DOCK4: variants seen among roughly 807,000 people sequenced by gnomAD.
DOCK4 encodes the protein dedicator of cytokinesis protein 4.
In DOCK4, 97 loss-of-function variants were observed where a neutral mutation model predicts 268.1. The observed-to-expected ratio is 0.36, with a 90% CI of 0.31 to 0.43. The LOEUF (loss-of-function observed/expected upper bound fraction) is 0.43. Among genes scored for constraint, DOCK4 ranks in the 20% least tolerant of loss-of-function variants. The pLI is 1.00. For missense variants in DOCK4, 2,145 were observed against 2,455.7 expected, an observed-to-expected ratio of 0.87 and a Z score of 2.67; for synonymous variants, 954 against 887.2, an observed-to-expected ratio of 1.08 and a Z score of -1.34.
intron 1 of DOCK4, among the ~76,000 whole-genome samples, chr7:112,013,959 C>T (rs1376439448): frequency 1.3e-5 from 2 of 152,170 alleles, no homozygotes; most frequent in Non-Finnish European, 2.9e-5. Flanking sequence ...ATACCCGGCA[C>T]AATGCATGAC....
At chr7:112,067,474 A>C (rs1042001755) in intron 1 of DOCK4, among the ~76,000 whole-genome samples, 1 of 152,158 alleles carries the variant, frequency 6.6e-6, no homozygotes, top group Non-Finnish European at 1.5e-5. Context: ...AGAAGGTACG[A>C]CTTCAGCTAA....
rs78254889 is a variant in DOCK4, at chr7:111,790,269, A to T, written c.3315+188T>A. ...CAAATGGTTTTCAGGGCTTCACTGAAGGCTCAGGACAACACAGGATCTGAG... is the reference window on the plus strand; with the variant it reads ...CAAATGGTTTTCAGGGCTTCACTGATGGCTCAGGACAACACAGGATCTGAG... On this transcript the variant is annotated intron_variant, in intron 31 of 52. Coordinates refer to ENST00000428084, the MANE Select transcript of DOCK4 (RefSeq NM_001363540.2). 9.8e-3 allele frequency among the ~76,000 whole-genome samples: 1,488 copies of T among 152,334 alleles called. 17 individuals carry two copies. The highest frequency in any genetic ancestry group is 0.033 in the African/African-American group (1,385 of 41,556).
At position 111,994,192 on chromosome 7, in the gene DOCK4, G is replaced by A; in HGVS notation, c.258C>T (p.Ile86=). 6.2e-7 allele frequency: 1 copy of A among 1,606,168 alleles called. No homozygotes were observed. The highest frequency in any genetic ancestry group is 1.1e-5 in the South Asian group (1 of 89,948). Residue 86 remains isoleucine, a synonymous_variant, in exon 5 of 53, where the codon ATC becomes ATT. Transcript: ENST00000428084. ...EMVIPTEDSV[I]TEMTSTLRDW... ...CTCTTAATGTTGATGTCATTTCTGTGATAACAGAGTCTTCAGTGGGAATAA... is the reference window on the plus strand; with the variant it reads ...CTCTTAATGTTGATGTCATTTCTGTAATAACAGAGTCTTCAGTGGGAATAA...
At chr7:111,834,091 T>A (rs1425669828) in intron 26 of DOCK4, among the ~76,000 whole-genome samples, 1 of 152,222 alleles carries the variant, frequency 6.6e-6, no homozygotes, top group Non-Finnish European at 1.5e-5. Context: ...TCCTATTTAA[T>A]GTCAGCTTGT....
chr7:111,838,497 T>G (rs929661419), intron 25 of DOCK4, among the ~76,000 whole-genome samples: 1 of 152,154 alleles, frequency 6.6e-6, no homozygotes, highest in African/African-American at 2.4e-5. Context: ...ACTATTGATA[T>G]ACAAAAGAAT....
rs528495776 is a variant in DOCK4 at position 112,200,533 on chromosome 7, G to C, written c.37+5569C>G. ...AGCCTTTTAGAAGGGTTTCATTAGA[G>C]TTTAATGTTCCTCTGATGTATATAT... On this transcript the variant is annotated intron_variant, in intron 1 of 52. Transcript: ENST00000428084. Among the ~76,000 whole-genome samples, 5 of 152,030 alleles carry C rather than the reference G, an allele frequency of 3.3e-5. No homozygotes were observed. In the South Asian group the frequency reaches 1.0e-3, roughly 32 times the overall value.
intron 45 of DOCK4, 49 bp downstream of exon 45, chr7:111,741,964 A>G (rs200095045): frequency 2.7e-4 from 411 of 1,516,716 alleles, no homozygotes; most frequent in Non-Finnish European, 1.1e-4. Context: ...TTTAACAAGC[A>G]AACGGCAGTG....
intron 27 of DOCK4, among the ~76,000 whole-genome samples, chr7:111,817,668 A>G (rs1801658441): frequency 6.6e-6 from 1 of 152,138 alleles, no homozygotes; most frequent in Non-Finnish European, 1.5e-5. Context: ...GCCCAAGGAC[A>G]TTGCTCTTTT....
chr7:111,854,712 C>A (rs1041927728), intron 23 of DOCK4, among the ~76,000 whole-genome samples: 1 of 152,134 alleles, frequency 6.6e-6, no homozygotes, highest in Non-Finnish European at 1.5e-5. Context: ...GTATCCCGAT[C>A]CCTAACCCAT....
chr7:111,863,407 C>T lies in DOCK4; in HGVS notation c.2438G>A (p.Gly813Asp). ...ATAAAGCTGGCTTTCCACGGTTTTG[C>T]CAATGCACTGCAGTTTGATGGCCTG... is the stretch of plus-strand genomic sequence containing the variant. ...SLQAIKLQCI[G>D]KTVESQLYTN... Residue 813 changes from glycine to aspartate, a missense_variant, in exon 23 of 53, where the codon GGC becomes GAC. By Grantham distance (94) the Gly-to-Asp change is moderately conservative. Coordinates refer to ENST00000428084, the MANE Select transcript of DOCK4 (RefSeq NM_001363540.2). 1 of 1,614,008 alleles carries T rather than the reference C, an allele frequency of 6.2e-7. No individual in the cohort carries two copies. The highest frequency in any genetic ancestry group is 8.5e-7 in the Non-Finnish European group (1 of 1,179,898).
rs556731765 is a variant in DOCK4, at chr7:111,738,268, C to T, written c.5232+866G>A. On this transcript the variant is annotated intron_variant, in intron 49 of 52. Coordinates refer to ENST00000428084, the MANE Select transcript of DOCK4 (RefSeq NM_001363540.2). ...GGGGTGAGGGCCAAGCTCCCTTACT[C>T]GCATGAGCAGTTGACAGGGAAAGGC... 1.7e-4 allele frequency among the ~76,000 whole-genome samples: 26 copies of T among 152,312 alleles called. No homozygotes were observed. In the South Asian group the frequency reaches 3.7e-3, roughly 22 times the overall value.
rs1168449602 is a variant in DOCK4, at chr7:111,734,752, G to A, written c.5419+302C>T. Reference sequence around the variant, plus strand: ...AAGAATGAAGTGGTTCAAAGTGAAGGTTAGAGAAGATGCTAGTGGCCTACC... The same window carrying A: ...AAGAATGAAGTGGTTCAAAGTGAAGATTAGAGAAGATGCTAGTGGCCTACC... On this transcript the variant is annotated intron_variant, in intron 51 of 52. Coordinates refer to ENST00000428084, the MANE Select transcript of DOCK4 (RefSeq NM_001363540.2). Among the ~76,000 whole-genome samples, 3 of 152,188 alleles carry A rather than the reference G, an allele frequency of 2.0e-5. No homozygotes were observed. In the East Asian group the frequency reaches 5.8e-4, roughly 29 times the overall value.
At chr7:111,999,849 G>T (rs1044048275) in intron 3 of DOCK4, among the ~76,000 whole-genome samples, 1 of 151,800 alleles carries the variant, frequency 6.6e-6, no homozygotes, top group African/African-American at 2.4e-5. Flanking sequence ...GAGGAGATTA[G>T]AGTAAGATAG....
At chr7:111,977,361 T>C in intron 7 of DOCK4, 78 bp from the exon 8 acceptor site, 3 of 1,476,498 alleles carry the variant, frequency 2.0e-6, no homozygotes, top group Non-Finnish European at 9.1e-7. Context: ...TAGTTAGCTA[T>C]GAGGTGACTG....
intron 23 of DOCK4, among the ~76,000 whole-genome samples, chr7:111,860,010 A>T (rs540411539): frequency 6.6e-6 from 1 of 152,284 alleles, no homozygotes; most frequent in Non-Finnish European, 1.5e-5. Context: ...CCCTCCAGTC[A>T]GACAGAATCA....
intron 1 of DOCK4, among the ~76,000 whole-genome samples, chr7:112,073,932 C>T (rs564364254): frequency 7.9e-5 from 12 of 152,174 alleles, no homozygotes; most frequent in African/African-American, 2.6e-4. Flanking sequence ...ATGCTAATTA[C>T]CCCGATTTAT....
At chr7:111,920,509 A>C (rs1164140239) in intron 12 of DOCK4, among the ~76,000 whole-genome samples, 1 of 152,170 alleles carries the variant, frequency 6.6e-6, no homozygotes, top group Non-Finnish European at 1.5e-5. Flanking sequence ...GTTATGACAC[A>C]GGGCATGTTT....
intron 9 of DOCK4, among the ~76,000 whole-genome samples, chr7:111,945,366 A>C (rs920586631): frequency 1.3e-5 from 2 of 152,160 alleles, no homozygotes; most frequent in African/African-American, 4.8e-5. Context: ...TTGTATTTTT[A>C]GTAGAGACGG....
At chr7:111,960,170 C>T (rs909124092) in intron 8 of DOCK4, among the ~76,000 whole-genome samples, 3 of 151,680 alleles carry the variant, frequency 2.0e-5, no homozygotes, top group Admixed American at 1.3e-4. Flanking sequence ...TGGAGACAAT[C>T]CTGGCTAACA....
Sources: gnomAD v4.1 joint callset for allele counts (sites outside exome capture counted in the v4.1 genomes callset) on GRCh38, gnomAD v4.1.1 for gene constraint, MANE v1.5 for transcripts, NCBI Gene and HGNC (gene_info 2026-07-23, HGNC 2026-07-21) for gene names.